The following CTDSPL2 variants were observed in gnomAD, a reference collection of about 807,000 sequenced individuals.
CTDSPL2 encodes CTD small phosphatase-like protein 2.
A neutral mutation model predicts 60.0 loss-of-function variants in CTDSPL2; 5 were observed. The ratio of observed to expected loss-of-function variants is 0.08; its 90% CI spans 0.04 to 0.18. The LOEUF is 0.18. Among genes scored for constraint, CTDSPL2 ranks in the 10% least tolerant of loss-of-function variants. CTDSPL2 has a pLI of 1.00. For missense variants in CTDSPL2, 370 were observed against 548.8 expected (o/e 0.67, Z 3.26); for synonymous variants, 186 against 189.3 (o/e 0.98, Z 0.14).
chr15:44,445,676 C>A (rs1288534447), intron 1 of CTDSPL2, among the ~76,000 whole-genome samples: 1 of 149,950 alleles, frequency 6.7e-6, no homozygotes, highest in African/African-American at 2.5e-5. Context: ...CTCGCACTGT[C>A]GCCTGGGCTG....
chr15:44,432,310 TTTATTATTA>T (rs5812274), intron 1 of CTDSPL2, among the ~76,000 whole-genome samples: 5 of 147,990 alleles, frequency 3.4e-5, no homozygotes, highest in African/African-American at 1.2e-4. Flanking sequence ...ATATTATTAT[TTTATTATTA>T]TTATTATTAT....
intron 10 of CTDSPL2, chr15:44,517,553 C>G (rs2081679531): frequency 6.6e-6 from 1 of 152,082 alleles, no homozygotes; most frequent in Non-Finnish European, 1.5e-5. Context: ...CAAGTCTGTA[C>G]TCACATGGAT....
intron 8 of CTDSPL2, 23 bp from the exon 9 acceptor site, chr15:44,514,575 A>G: frequency 6.8e-7 from 1 of 1,474,596 alleles, no homozygotes; most frequent in Non-Finnish European, 9.5e-7. Context: ...TATTTGCTGA[A>G]ACTTATCTTT....
In CTDSPL2 at chr15:44,477,191, T is replaced by C. The variant is rs566749423; in HGVS notation, c.187-7033T>C. Among the ~76,000 whole-genome samples, 12 of 152,246 alleles carry C rather than the reference T, an allele frequency of 7.9e-5. 1 individual carries two copies. In the South Asian group the frequency reaches 2.5e-3, roughly 32 times the overall value. On this transcript the variant is annotated intron_variant, in intron 2 of 12. Coordinates refer to ENST00000260327, the MANE Select transcript of CTDSPL2 (RefSeq NM_016396.3). Reference sequence around the variant, plus strand: ...CTGCAGTGAGGTGAGATTGTGCCACTGCACTCTAGCCTGAGTGACAGAGCA... The same window carrying C: ...CTGCAGTGAGGTGAGATTGTGCCACCGCACTCTAGCCTGAGTGACAGAGCA...
chr15:44,452,247 C>A (rs1392050138), intron 1 of CTDSPL2, among the ~76,000 whole-genome samples: 3 of 151,958 alleles, frequency 2.0e-5, no homozygotes, highest in Admixed American at 6.6e-5. Context: ...TGCTTTTTTT[C>A]TCTATAGATT....
chr15:44,516,092 G>A (rs1367210257), intron 10 of CTDSPL2, among the ~76,000 whole-genome samples: 1 of 149,750 alleles, frequency 6.7e-6, no homozygotes, highest in Non-Finnish European at 1.5e-5. Flanking sequence ...TCAGCCTCTC[G>A]AGTAGCTGGG....
intron 1 of CTDSPL2, chr15:44,449,464 G>T (rs2080289794): frequency 6.5e-6 from 1 of 152,688 alleles, no homozygotes; most frequent in South Asian, 2.1e-4. Flanking sequence ...AGGTAGCTGG[G>T]ATTACAGGTG....
At chr15:44,458,642 A>G (rs2080498236) in intron 1 of CTDSPL2, among the ~76,000 whole-genome samples, 1 of 152,216 alleles carries the variant, frequency 6.6e-6, no homozygotes, top group South Asian at 2.1e-4. Flanking sequence ...CTATGTATGC[A>G]ATAAATATTT....
chr15:44,456,881 T>TTTTTTTTTTTTTTTTTTTTTG (rs2080457745), intron 1 of CTDSPL2, among the ~76,000 whole-genome samples: 1 of 146,186 alleles, frequency 6.8e-6, no homozygotes, highest in African/African-American at 2.6e-5. Context: ...TTTTTTTGTT[T>TTTTTTTTTTTTTTTTTTTTTG]TTTTTTCTTT....
chr15:44,470,133 T>TAGTC (rs1293124714), intron 2 of CTDSPL2, among the ~76,000 whole-genome samples: 1 of 150,258 alleles, frequency 6.7e-6, no homozygotes, highest in Non-Finnish European at 1.5e-5. Context: ...GGCGACTGCA[T>TAGTC]AGTCAGCTAT....
chr15:44,500,248 C>T (rs2081364203), intron 8 of CTDSPL2, among the ~76,000 whole-genome samples: 1 of 152,156 alleles, frequency 6.6e-6, no homozygotes, highest in African/African-American at 2.4e-5. Flanking sequence ...CACTTTAGTA[C>T]ATCTCTTTTA....
chr15:44,473,159 A>G (rs1350697223), intron 2 of CTDSPL2, among the ~76,000 whole-genome samples: 2 of 152,168 alleles, frequency 1.3e-5, no homozygotes, highest in African/African-American at 4.8e-5. Flanking sequence ...ATTTTCTTCT[A>G]TGCTGTGGAC....
intron 2 of CTDSPL2, among the ~76,000 whole-genome samples, chr15:44,472,218 C>T (rs1302944723): frequency 6.6e-6 from 1 of 152,126 alleles, no homozygotes; most frequent in Non-Finnish European, 1.5e-5. Flanking sequence ...GCTTGAATTG[C>T]TGGGTTATAT....
At chr15:44,493,329 A>G (rs2081247545) in intron 5 of CTDSPL2, among the ~76,000 whole-genome samples, 1 of 152,224 alleles carries the variant, frequency 6.6e-6, no homozygotes, top group Admixed American at 6.5e-5. Flanking sequence ...AACATAGCCA[A>G]AGAGAACAAG....
At chr15:44,481,654 A>G (rs993559556) in intron 2 of CTDSPL2, among the ~76,000 whole-genome samples, 2 of 151,828 alleles carry the variant, frequency 1.3e-5, no homozygotes, top group African/African-American at 2.4e-5. Context: ...GCTCACCACA[A>G]CCTCCACCTC....
rs919057660 is a variant in CTDSPL2, at chr15:44,526,852, A to G, written c.*2678A>G. ...ACTAGTAAATGCAGGAGAGGTGGATACCTGATGAGACACAGCGAAAGTGAC... is the reference window on the plus strand; with the variant it reads ...ACTAGTAAATGCAGGAGAGGTGGATGCCTGATGAGACACAGCGAAAGTGAC... On this transcript the variant is annotated 3_prime_UTR_variant, in exon 13 of 13. Transcript: ENST00000260327. 2.6e-5 allele frequency: 4 copies of G among 152,550 alleles called. No homozygotes were observed. Among genetic ancestry groups the G allele is most frequent in the African/African-American group, 9.7e-5 (4 of 41,446 alleles). The allele number at this position is 152,550 out of a possible 1,614,324, so 9.4% of individuals were successfully genotyped here.
At chr15:44,439,341 G>A (rs1414717957) in intron 1 of CTDSPL2, among the ~76,000 whole-genome samples, 1 of 151,658 alleles carries the variant, frequency 6.6e-6, no homozygotes, top group African/African-American at 2.4e-5. Context: ...TAGAGACGGG[G>A]TTTCACCATA....
intron 1 of CTDSPL2, among the ~76,000 whole-genome samples, chr15:44,446,029 G>T (rs1442563659): frequency 7.0e-6 from 1 of 143,758 alleles, no homozygotes; most frequent in African/African-American, 2.6e-5. Flanking sequence ...GGGTGCAAGC[G>T]ATTCTTCTGC....
chr15:44,473,594 C>T (rs1318528997), intron 2 of CTDSPL2, among the ~76,000 whole-genome samples: 3 of 151,492 alleles, frequency 2.0e-5, no homozygotes, highest in South Asian at 2.1e-4. Flanking sequence ...TGCGCCCAGC[C>T]GTATCCCTAG....
Sources: gnomAD v4.1 joint callset for allele counts (sites outside exome capture counted in the v4.1 genomes callset) on GRCh38, gnomAD v4.1.1 for gene constraint, MANE v1.5 for transcripts, NCBI Gene and HGNC (gene_info 2026-07-23, HGNC 2026-07-21) for gene names.